The following WDR27 variants were observed in gnomAD, a reference collection of about 807,000 sequenced individuals.
WDR27 encodes the protein WD repeat-containing protein 27.
WDR27 carries 100 observed loss-of-function variants against 114.4 expected under a neutral mutation model. The observed-to-expected ratio is 0.87, with a 90% CI of 0.74 to 1.03. The LOEUF (loss-of-function observed/expected upper bound fraction) is 1.03. WDR27 is among the 50% of genes least tolerant of loss of function. The pLI is 0.00. For missense variants in WDR27, 1,129 were observed against 1,092.9 expected (o/e 1.03, Z -0.47); for synonymous variants, 449 against 423.1 (o/e 1.06, Z -0.75).
chr6:169,607,367 G>A (rs918502610), intron 22 of WDR27, among the ~76,000 whole-genome samples: 21 of 148,636 alleles, frequency 1.4e-4, no homozygotes, highest in Admixed American at 2.7e-4. Context: ...ACTGAATAAA[G>A]AAAATGTAGT....
chr6:169,592,614 G>A (rs149667658), intron 23 of WDR27, among the ~76,000 whole-genome samples: 13 of 152,200 alleles, frequency 8.5e-5, no homozygotes, highest in Non-Finnish European at 1.8e-4. Context: ...TTCCAGATAT[G>A]CAATCTTGTC....
chr6:169,645,023 T>TAAAAAAAAAAATAAAAAAAAAAA (rs1820200961), intron 16 of WDR27, among the ~76,000 whole-genome samples: 1 of 46,982 alleles, frequency 2.1e-5, no homozygotes, highest in Non-Finnish European at 3.9e-5. Context: ...AAAAAAAAAA[T>TAAAAAAAAAAATAAAAAAAAAAA]AAAAAAAAAA....
In WDR27 at chr6:169,554,374, A is replaced by C. The variant is rs1798587475; in HGVS notation, c.2645+18045T>G. Reference sequence around the variant, plus strand: ...TCAGCAGAGGCAAGTCCTCTGACCAAGAAAATACGAGCAAAGCTGCCCCTG... The same window carrying C: ...TCAGCAGAGGCAAGTCCTCTGACCACGAAAATACGAGCAAAGCTGCCCCTG... On this transcript the variant is annotated intron_variant, in intron 25 of 25. Transcript: ENST00000448612. 4.6e-5 allele frequency among the ~76,000 whole-genome samples: 7 copies of C among 152,238 alleles called. No homozygotes were observed. The South Asian group carries it at 1.4e-3, about 32-fold the overall frequency.
At chr6:169,608,773 C>A (rs1173696875) in intron 22 of WDR27, among the ~76,000 whole-genome samples, 1 of 152,170 alleles carries the variant, frequency 6.6e-6, no homozygotes, top group Non-Finnish European at 1.5e-5. Flanking sequence ...CCCAACAGTC[C>A]TTCAAAGTCT....
intron 16 of WDR27, among the ~76,000 whole-genome samples, chr6:169,644,731 C>CTAGTTTGCA (rs1286409216): frequency 1.9e-4 from 23 of 120,054 alleles, no homozygotes; most frequent in South Asian, 5.1e-4. Flanking sequence ...AATCCTAGGC[C>CTAGTTTGCA]GGGCGCGGTG....
chr6:169,650,158 CTCCA>C (rs1375283359), intron 14 of WDR27, among the ~76,000 whole-genome samples: 1 of 150,480 alleles, frequency 6.6e-6, no homozygotes, highest in Admixed American at 6.6e-5. Context: ...CTCTCCATCC[CTCCA>C]TCCATCCCTC....
chr6:169,638,088 G>A (rs1280633106), intron 18 of WDR27, among the ~76,000 whole-genome samples: 9 of 79,094 alleles, frequency 1.1e-4, no homozygotes, highest in Admixed American at 3.9e-4. Flanking sequence ...AGGCCGAGGC[G>A]GGTGGATCAT....
chr6:169,481,124 C>T (rs1222527688), intron 25 of WDR27, among the ~76,000 whole-genome samples: 1 of 151,590 alleles, frequency 6.6e-6, no homozygotes, highest in Non-Finnish European at 1.5e-5. Context: ...TACCAATCAG[C>T]ACTCTGTGTC....
intron 21 of WDR27, among the ~76,000 whole-genome samples, chr6:169,619,144 A>G (rs1467551622): frequency 6.6e-6 from 1 of 152,244 alleles, no homozygotes; most frequent in Non-Finnish European, 1.5e-5. Flanking sequence ...AAGCTGTTGA[A>G]AAATGTAGAC....
chr6:169,537,534 A>G (rs914426413), intron 25 of WDR27, among the ~76,000 whole-genome samples: 1 of 152,304 alleles, frequency 6.6e-6, no homozygotes, highest in Middle Eastern at 3.4e-3. Context: ...AATGATTGAG[A>G]AGCAGAAAAA....
At chr6:169,504,443 CCA>C (rs1791746712) in intron 25 of WDR27, among the ~76,000 whole-genome samples, 1 of 152,148 alleles carries the variant, frequency 6.6e-6, no homozygotes, top group Non-Finnish European at 1.5e-5. Flanking sequence ...TAAATGGCTG[CCA>C]CCATGTAAGA....
chr6:169,588,089 A>G (rs2128149512), intron 23 of WDR27, among the ~76,000 whole-genome samples: 1 of 152,330 alleles, frequency 6.6e-6, no homozygotes, highest in South Asian at 2.1e-4. Flanking sequence ...TTACGGTAAC[A>G]CACAATTTAC....
intron 25 of WDR27, among the ~76,000 whole-genome samples, chr6:169,561,858 A>T (rs1799719135): frequency 6.6e-6 from 1 of 152,240 alleles, no homozygotes. Context: ...AGGTTTAAAC[A>T]AATAATTTTA....
rs1368719712 is a variant in WDR27, at chr6:169,668,087, A to T, written c.555T>A (p.Ala185=). Residue 185 remains alanine, a synonymous_variant, in exon 5 of 26, where the codon GCT becomes GCA. Coordinates refer to ENST00000448612, the MANE Select transcript of WDR27 (RefSeq NM_182552.5). ...TFLHTFSQTQ[A]VRAELQGHLG... is the part of the protein sequence containing the mutation. ...GGTGGCCCTGCAGCTCGGCCCGAAC[A>T]GCCTGAGTCTGAGAGAATGTGTGCA... 3 of 1,614,046 alleles carry T rather than the reference A, an allele frequency of 1.9e-6. No individual in the cohort carries two copies. The highest frequency in any genetic ancestry group is 3.3e-5 in the Admixed American group (2 of 60,030).
chr6:169,650,323 A>G (rs1216686315), intron 14 of WDR27, among the ~76,000 whole-genome samples: 1 of 85,998 alleles, frequency 1.2e-5, no homozygotes, highest in Non-Finnish European at 2.3e-5. Flanking sequence ...CCCTCCATCC[A>G]CCCACCCACT....
intron 21 of WDR27, among the ~76,000 whole-genome samples, chr6:169,616,011 G>A (rs1811740891): frequency 1.3e-5 from 2 of 148,562 alleles, no homozygotes; most frequent in Non-Finnish European, 3.0e-5. Flanking sequence ...CGCGAACTCT[G>A]AGGAGGCAAG....
the WDR27 span, among the ~76,000 whole-genome samples, chr6:169,437,326 T>G: frequency 2.0e-5 from 3 of 152,198 alleles, no homozygotes; most frequent in Non-Finnish European, 4.4e-5. Context: ...TCTGGTACTC[T>G]ATGTTTGAAA....
chr6:169,694,554 T>G (rs1325515890), intron 1 of WDR27, among the ~76,000 whole-genome samples: 1 of 152,238 alleles, frequency 6.6e-6, no homozygotes, highest in Non-Finnish European at 1.5e-5. Flanking sequence ...TGGAATACAA[T>G]GCAGATGTTT....
chr6:169,661,370 T>C (rs1291976116), intron 9 of WDR27, among the ~76,000 whole-genome samples: 2 of 152,116 alleles, frequency 1.3e-5, no homozygotes, highest in Admixed American at 1.3e-4. Context: ...GCGGCAGAGT[T>C]AATACCAATG....
Sources: gnomAD v4.1 joint callset for allele counts (sites outside exome capture counted in the v4.1 genomes callset) on GRCh38, gnomAD v4.1.1 for gene constraint, MANE v1.5 for transcripts, NCBI Gene and HGNC (gene_info 2026-07-23, HGNC 2026-07-21) for gene names.